The following DLGAP2 variants were observed in gnomAD, a reference collection of about 807,000 sequenced individuals.
DLGAP2 encodes the protein DLG associated protein 2.
A neutral mutation model predicts 100.3 loss-of-function variants in DLGAP2; 26 were observed. That is an observed-to-expected ratio of 0.26 (90% CI 0.19 to 0.36). The LOEUF (loss-of-function observed/expected upper bound fraction) is 0.36. Ranked by LOEUF, DLGAP2 falls within the 10% of genes least tolerant of loss-of-function variation. The pLI, the probability that DLGAP2 is intolerant of heterozygous loss-of-function variation, is 1.00. For synonymous variants in DLGAP2, 886 were observed against 630.1 expected (o/e 1.41, Z -6.08); for missense variants, 1,858 against 1,453.2 (o/e 1.28, Z -4.53).
chr8:1,572,745 C>T (rs1326195104), intron 6 of DLGAP2, among the ~76,000 whole-genome samples: 21 of 55,152 alleles, frequency 3.8e-4, no homozygotes, highest in Admixed American at 2.0e-3. Context: ...ACTGTGGGGG[C>T]GTCTGATGAG....
chr8:965,245 T>TGAGCCCAACCCCCGCGTG (rs1799825640), intron 2 of DLGAP2, among the ~76,000 whole-genome samples: 1 of 72,232 alleles, frequency 1.4e-5, no homozygotes, highest in Non-Finnish European at 2.7e-5. Context: ...ACTGTTCACC[T>TGAGCCCAACCCCCGCGTG]CACACGGCTC....
intron 3 of DLGAP2, among the ~76,000 whole-genome samples, chr8:1,497,843 G>A (rs4876070): frequency 0.65 from 98,508 of 152,074 alleles, 32,068 homozygotes; most frequent in South Asian, 0.71. Flanking sequence ...GATTTTTCCT[G>A]TTGTCGACAA....
intron 3 of DLGAP2, among the ~76,000 whole-genome samples, chr8:1,329,932 A>G (rs935970800): frequency 1.3e-5 from 2 of 152,228 alleles, no homozygotes; most frequent in Non-Finnish European, 2.9e-5. Context: ...GCCGTGCAGT[A>G]GAACCCCAGA....
chr8:1,162,927 G>C (rs1276530122), intron 2 of DLGAP2, among the ~76,000 whole-genome samples: 1 of 152,238 alleles, frequency 6.6e-6, no homozygotes, highest in Non-Finnish European at 1.5e-5. Context: ...CGTTTGCTCA[G>C]CTGAGGGGGC....
intron 2 of DLGAP2, among the ~76,000 whole-genome samples, chr8:1,041,673 C>T (rs1213496498): frequency 1.4e-5 from 1 of 74,060 alleles, no homozygotes; most frequent in Non-Finnish European, 2.6e-5. Flanking sequence ...CTCCGAGCCC[C>T]TTGCCGTGGG....
At chr8:987,277 G>T (rs1800515555) in intron 2 of DLGAP2, among the ~76,000 whole-genome samples, 1 of 152,132 alleles carries the variant, frequency 6.6e-6, no homozygotes, top group Non-Finnish European at 1.5e-5. Context: ...GTCTGAGATG[G>T]TGAGCTCAGC....
At chr8:1,499,095 C>T (rs933039889) in intron 3 of DLGAP2, among the ~76,000 whole-genome samples, 2 of 152,212 alleles carry the variant, frequency 1.3e-5, no homozygotes, top group Non-Finnish European at 2.9e-5. Flanking sequence ...CAAGGCTGAC[C>T]TTCAAACGTC....
At chr8:1,345,996 A>C (rs1801545761) in intron 3 of DLGAP2, among the ~76,000 whole-genome samples, 1 of 152,216 alleles carries the variant, frequency 6.6e-6, no homozygotes, top group Admixed American at 6.5e-5. Context: ...AGACTCTGGC[A>C]CCAGCTCCTG....
chr8:1,146,363 C>G (rs888554318), intron 2 of DLGAP2, among the ~76,000 whole-genome samples: 2 of 152,226 alleles, frequency 1.3e-5, no homozygotes. Context: ...AGGCCCTTTA[C>G]AAACACAGGT....
intron 1 of DLGAP2, among the ~76,000 whole-genome samples, chr8:769,577 G>C (rs1337787173): frequency 6.6e-6 from 1 of 152,062 alleles, no homozygotes; most frequent in Non-Finnish European, 1.5e-5. Context: ...AAGTAAACTG[G>C]GCTAATTTAT....
chr8:881,666 A>ATATATATATATATATATATATATGT, intron 1 of DLGAP2, among the ~76,000 whole-genome samples: 1 of 131,074 alleles, frequency 7.6e-6, no homozygotes, highest in African/African-American at 2.7e-5. Flanking sequence ...CTTGTGGCTG[A>ATATATATATATATATATATATATGT]ACACACACAC....
At chr8:1,592,392 ACGTGTGC>A (rs1442555286) in intron 6 of DLGAP2, among the ~76,000 whole-genome samples, 1 of 152,108 alleles carries the variant, frequency 6.6e-6, no homozygotes, top group Non-Finnish European at 1.5e-5. Context: ...GATTGGCCTG[ACGTGTGC>A]CTCTGGCCCC....
intron 3 of DLGAP2, among the ~76,000 whole-genome samples, chr8:1,460,304 T>C (rs1798437816): frequency 6.6e-6 from 1 of 152,258 alleles, no homozygotes; most frequent in Non-Finnish European, 1.5e-5. Context: ...TATGACTATT[T>C]TGTTTTAATT....
intron 8 of DLGAP2, among the ~76,000 whole-genome samples, chr8:1,660,009 C>T (rs981290569): frequency 6.6e-6 from 1 of 152,142 alleles, no homozygotes; most frequent in African/African-American, 2.4e-5. Flanking sequence ...TTTAGTGGTT[C>T]ATTCGGGAGC....
At chr8:948,073 C>G (rs534436457) in intron 2 of DLGAP2, among the ~76,000 whole-genome samples, 2,032 of 150,418 alleles carry the variant, frequency 0.014, 57 homozygotes, top group African/African-American at 0.047. Context: ...CCATGGCTTC[C>G]CCGACCCCAT....
At chr8:1,059,058 CCCATGTGT>C (rs773178653) in intron 2 of DLGAP2, among the ~76,000 whole-genome samples, 76 of 152,310 alleles carry the variant, frequency 5.0e-4, no homozygotes, top group Non-Finnish European at 7.5e-4. Context: ...CAGGGCTCCC[CCCATGTGT>C]CCATGTGTCC....
At chr8:1,275,990 T>C (rs1333340417) in intron 3 of DLGAP2, among the ~76,000 whole-genome samples, 1 of 128,728 alleles carries the variant, frequency 7.8e-6, no homozygotes, top group Non-Finnish European at 1.6e-5. Flanking sequence ...AATATATAAA[T>C]AAATGTAATA....
At chr8:900,543 G>A (rs548751890) in intron 1 of DLGAP2, among the ~76,000 whole-genome samples, 10 of 152,318 alleles carry the variant, frequency 6.6e-5, no homozygotes, top group South Asian at 4.1e-4. Flanking sequence ...AGTGTGTGGG[G>A]AATAGTTTTA....
intron 2 of DLGAP2, among the ~76,000 whole-genome samples, chr8:1,184,664 G>C (rs1459676514): frequency 1.3e-5 from 2 of 152,192 alleles, no homozygotes; most frequent in African/African-American, 4.8e-5. Flanking sequence ...AGCACCCTCG[G>C]AGTTTGCGGG....
Sources: allele counts gnomAD v4.1 joint callset (sites outside exome capture counted in the v4.1 genomes callset), GRCh38; gene constraint gnomAD v4.1.1; transcripts MANE v1.5; gene names NCBI Gene and HGNC (gene_info 2026-07-23, HGNC 2026-07-21).